The following PRKG1 variants were observed in gnomAD, a reference collection of about 807,000 sequenced individuals.
The protein encoded by PRKG1 is protein kinase cGMP-dependent 1.
A neutral mutation model predicts 88.1 loss-of-function variants in PRKG1; 35 were observed. The observed-to-expected ratio is 0.40, with a 90% CI of 0.30 to 0.53. The LOEUF is 0.53. PRKG1 is among the 20% of genes least tolerant of loss of function. The pLI is 0.59. For missense variants in PRKG1, 540 were observed against 839.8 expected (o/e 0.64, Z 4.41); for synonymous variants, 303 against 292.5 (o/e 1.04, Z -0.37).
Position 51,416,880 on chromosome 10 carries a change from A to G in PRKG1, c.479-50843A>G, listed in dbSNP as rs182360593. Among the ~76,000 whole-genome samples, 4 of 152,300 alleles carry G rather than the reference A, an allele frequency of 2.6e-5. No homozygotes were observed. In the East Asian group the frequency reaches 7.7e-4, roughly 29 times the overall value. On this transcript the variant is annotated intron_variant, in intron 2 of 17. Coordinates refer to ENST00000373980, the MANE Select transcript of PRKG1 (RefSeq NM_006258.4). Reference sequence around the variant, plus strand: ...TTAGAATTCAGGCTTTCAATGAAGAACACTGCATAAAAACATATTGTTAGC... The same window carrying G: ...TTAGAATTCAGGCTTTCAATGAAGAGCACTGCATAAAAACATATTGTTAGC...
chr10:51,157,317 C>CT (rs1846239689), intron 2 of PRKG1, among the ~76,000 whole-genome samples: 1 of 151,832 alleles, frequency 6.6e-6, no homozygotes, highest in Non-Finnish European at 1.5e-5. Context: ...TTGGAATTAA[C>CT]TTTTTAAGGC....
At chr10:52,261,682 T>C (rs1333355100) in intron 10 of PRKG1, among the ~76,000 whole-genome samples, 1 of 152,118 alleles carries the variant, frequency 6.6e-6, no homozygotes, top group Non-Finnish European at 1.5e-5. Context: ...TATGGTTCAT[T>C]CTTAAATTTC....
At chr10:51,807,384 C>A (rs1839334921) in intron 4 of PRKG1, among the ~76,000 whole-genome samples, 1 of 152,144 alleles carries the variant, frequency 6.6e-6, no homozygotes, top group South Asian at 2.1e-4. Context: ...AGGGTACCAT[C>A]CCTTTCCTCT....
chr10:51,841,636 C>T (rs1840276742), intron 4 of PRKG1, among the ~76,000 whole-genome samples: 1 of 142,738 alleles, frequency 7.0e-6, no homozygotes, highest in South Asian at 2.3e-4. Flanking sequence ...TGAATTCATG[C>T]TGTGACTGAA....
chr10:51,917,075 C>T (rs570884016), intron 5 of PRKG1, among the ~76,000 whole-genome samples: 104 of 151,950 alleles, frequency 6.8e-4, no homozygotes, highest in African/African-American at 2.1e-3. Flanking sequence ...CCCAGCACTT[C>T]GGGAGGCTGA....
rs1841544984 is a variant in PRKG1, at chr10:52,265,341, A to C, written c.1174-6009A>C. ...GAACCACTTCATATGGGACTTTTGC[A>C]TAATAATGAGTCATGTGACATTGAC... On this transcript the variant is annotated intron_variant, in intron 10 of 17. Transcript: ENST00000373980. Among the ~76,000 whole-genome samples, 3 of 152,262 alleles carry C rather than the reference A, an allele frequency of 2.0e-5. No individual in the cohort carries two copies. In the South Asian group the frequency reaches 6.2e-4, roughly 32 times the overall value.
At chr10:51,965,831 G>A (rs1564731405) in intron 5 of PRKG1, among the ~76,000 whole-genome samples, 1 of 152,136 alleles carries the variant, frequency 6.6e-6, no homozygotes, top group Admixed American at 6.6e-5. Context: ...GTCAAAAATG[G>A]TGTGATCTAG....
chr10:51,781,241 C>T (rs1489134796), intron 3 of PRKG1, among the ~76,000 whole-genome samples: 1 of 152,124 alleles, frequency 6.6e-6, no homozygotes, highest in Non-Finnish European at 1.5e-5. Context: ...AAAAAACAGA[C>T]ATCTGGATCA....
At chr10:51,782,257 T>C (rs1378851701) in intron 3 of PRKG1, among the ~76,000 whole-genome samples, 7 of 152,128 alleles carry the variant, frequency 4.6e-5, no homozygotes, top group Admixed American at 1.3e-4. Context: ...GGGCGTTAAA[T>C]GCGTTTTTGA....
At chr10:52,145,581 T>C (rs969604132) in intron 8 of PRKG1, among the ~76,000 whole-genome samples, 1 of 152,166 alleles carries the variant, frequency 6.6e-6, no homozygotes, top group Non-Finnish European at 1.5e-5. Flanking sequence ...GGCACCAGGA[T>C]TTATTTCTGA....
chr10:51,778,425 TGGGTGCTGCCCTTG>T (rs1195001334), intron 3 of PRKG1, among the ~76,000 whole-genome samples: 3 of 152,162 alleles, frequency 2.0e-5, no homozygotes, highest in Non-Finnish European at 4.4e-5. Flanking sequence ...GTTCCTACTT[TGGGTGCTGCCCTTG>T]GGTGCTTCTA....
At chr10:52,280,392 TCTC>T (rs1053521541) in intron 12 of PRKG1, among the ~76,000 whole-genome samples, 2 of 152,080 alleles carry the variant, frequency 1.3e-5, no homozygotes, top group Non-Finnish European at 2.9e-5. Context: ...CCCATAAACT[TCTC>T]CTTTAAAAAA....
chr10:52,032,873 G>A (rs1464578521), intron 5 of PRKG1, among the ~76,000 whole-genome samples: 2 of 152,102 alleles, frequency 1.3e-5, no homozygotes, highest in African/African-American at 4.8e-5. Context: ...AAGGTCCTGT[G>A]TTTTCTTTTT....
intron 7 of PRKG1, among the ~76,000 whole-genome samples, chr10:52,070,187 GC>G (rs1472946844): frequency 1.3e-5 from 2 of 151,960 alleles, no homozygotes; most frequent in Non-Finnish European, 2.9e-5. Context: ...AAATTCCTTT[GC>G]CCACTATTGC....
chr10:51,208,105 TA>T (rs1051084937), intron 2 of PRKG1, among the ~76,000 whole-genome samples: 1 of 152,154 alleles, frequency 6.6e-6, no homozygotes, highest in Non-Finnish European at 1.5e-5. Context: ...ATTACCTAGG[TA>T]AAAAATAGTT....
intron 5 of PRKG1, among the ~76,000 whole-genome samples, chr10:51,967,791 C>A (rs1031139373): frequency 2.0e-5 from 3 of 152,126 alleles, no homozygotes; most frequent in Non-Finnish European, 4.4e-5. Context: ...TGACCACAAT[C>A]ATCTTCACCA....
chr10:52,084,049 G>T (rs1019109419), intron 7 of PRKG1, among the ~76,000 whole-genome samples: 1 of 152,006 alleles, frequency 6.6e-6, no homozygotes, highest in African/African-American at 2.4e-5. Context: ...TTTGCTAAAA[G>T]AATATAGACA....
Position 51,335,044 on chromosome 10 carries a change from C to T in PRKG1, c.479-132679C>T, listed in dbSNP as rs542794897. ...TTTTTGAGACGGAGTCTTGCTCTGT[C>T]GCCCAGGCTGGAGTTGGAGTGCAGT... On this transcript the variant is annotated intron_variant, in intron 2 of 17. Coordinates refer to ENST00000373980, the MANE Select transcript of PRKG1 (RefSeq NM_006258.4). Among the ~76,000 whole-genome samples the T allele has an allele frequency of 2.1e-3, 234 of 109,748 alleles. 1 individual carries two copies. Among genetic ancestry groups the T allele is most frequent in the African/African-American group, 8.2e-3 (228 of 27,670 alleles). 72.0% of individuals were successfully genotyped at this position (109,748 alleles called of 152,430 possible). A position where few individuals can be genotyped will look rare whatever the true frequency, so the allele number is the denominator to read the frequency against.
At chr10:52,105,329 T>C (rs767224130) in intron 7 of PRKG1, among the ~76,000 whole-genome samples, 2 of 152,338 alleles carry the variant, frequency 1.3e-5, no homozygotes, top group Non-Finnish European at 2.9e-5. Flanking sequence ...TACTTGCGTT[T>C]TACAGTTGGT....
Sources: allele counts gnomAD v4.1 joint callset (sites outside exome capture counted in the v4.1 genomes callset), GRCh38; gene constraint gnomAD v4.1.1; transcripts MANE v1.5; gene names NCBI Gene and HGNC (gene_info 2026-07-23, HGNC 2026-07-21).